The following FAR2 variants were observed in gnomAD, a reference collection of about 807,000 sequenced individuals.
FAR2 encodes the protein epididymis secretory protein Li 81.
FAR2 carries 19 observed loss-of-function variants against 56.0 expected under a neutral mutation model. That is an observed-to-expected ratio of 0.34 (90% CI 0.24 to 0.50). The LOEUF is 0.50. FAR2 is among the 20% of genes least tolerant of loss of function. The probability of loss-of-function intolerance (pLI) is 0.98; values close to 1 mark genes in which losing one functional copy is unlikely to be tolerated. For synonymous variants in FAR2, 219 were observed against 218.8 expected (o/e 1.00, Z -0.01); for missense variants, 508 against 642.2 (o/e 0.79, Z 2.26).
intron 1 of FAR2, among the ~76,000 whole-genome samples, chr12:29,238,186 T>G (rs1947969614): frequency 6.6e-6 from 1 of 150,920 alleles, no homozygotes; most frequent in South Asian, 2.1e-4. Flanking sequence ...TACTCCTCCC[T>G]TTTCCCACTA....
chr12:29,210,680 G>T (rs984436493), intron 1 of FAR2, among the ~76,000 whole-genome samples: 4 of 152,136 alleles, frequency 2.6e-5, no homozygotes, highest in Admixed American at 2.6e-4. Flanking sequence ...AAACTGTATT[G>T]GCTGGGCTCA....
chr12:29,312,257 T>C (rs1200815161), intron 8 of FAR2, among the ~76,000 whole-genome samples: 1 of 152,178 alleles, frequency 6.6e-6, no homozygotes, highest in Admixed American at 6.5e-5. Flanking sequence ...GATAAAATAC[T>C]GAAATACTCC....
chr12:29,267,116 A>G (rs11050161), intron 1 of FAR2, among the ~76,000 whole-genome samples: 49,343 of 151,824 alleles, frequency 0.33, 8,197 homozygotes, highest in Non-Finnish European at 0.37. Flanking sequence ...ATCATGAAGT[A>G]TAGTTATATT....
chr12:29,201,586 T>C (rs751881493), intron 1 of FAR2, among the ~76,000 whole-genome samples: 2 of 152,166 alleles, frequency 1.3e-5, no homozygotes, highest in South Asian at 4.1e-4. Context: ...TTACTTCCTA[T>C]TGTGTATTAC....
intron 1 of FAR2, among the ~76,000 whole-genome samples, chr12:29,226,779 G>C (rs899417659): frequency 1.3e-5 from 2 of 152,048 alleles, no homozygotes; most frequent in East Asian, 3.9e-4. Context: ...TTTTTTGTGT[G>C]ATGATATTAC....
rs562110317 is a variant in FAR2, at chr12:29,257,926, T to C, written c.-38-12486T>C. 1.5e-3 allele frequency among the ~76,000 whole-genome samples: 231 copies of C among 152,258 alleles called. 1 individual carries two copies. The highest frequency in any genetic ancestry group is 5.3e-3 in the African/African-American group (221 of 41,552). ...CGTGAGACATCACACCCTACCTAAA[T>C]TGCCTTTTGAAAATCATGAAAACAT... On this transcript the variant is annotated intron_variant, in intron 1 of 11. Coordinates refer to ENST00000536681, the MANE Select transcript of FAR2 (RefSeq NM_001271783.2).
chr12:29,268,885 T>C (rs1413943003), intron 1 of FAR2, among the ~76,000 whole-genome samples: 1 of 151,962 alleles, frequency 6.6e-6, no homozygotes, highest in Non-Finnish European at 1.5e-5. Flanking sequence ...TTATTAGGGA[T>C]TTTCAAAAGG....
chr12:29,214,966 G>C (rs568870225), intron 1 of FAR2, among the ~76,000 whole-genome samples: 12 of 152,310 alleles, frequency 7.9e-5, no homozygotes, highest in African/African-American at 2.9e-4. Context: ...AATTGAAATT[G>C]TGAGCTGAGA....
At chr12:29,178,987 C>T (rs1949966485) in intron 1 of FAR2, among the ~76,000 whole-genome samples, 1 of 152,090 alleles carries the variant, frequency 6.6e-6, no homozygotes, top group African/African-American at 2.4e-5. Flanking sequence ...CCTGGCCTCT[C>T]TCTCTCTTTG....
chr12:29,293,204 C>A, intron 2 of FAR2, 96 bp from the exon 3 acceptor site: 1 of 1,051,890 alleles, frequency 9.5e-7, no homozygotes, highest in Non-Finnish European at 1.3e-6. Flanking sequence ...CAACTAAAAC[C>A]AGTTTTTGAG....
At chr12:29,170,348 ACCT>A (rs1949873053) in intron 1 of FAR2, among the ~76,000 whole-genome samples, 8 of 152,132 alleles carry the variant, frequency 5.3e-5, no homozygotes, top group Non-Finnish European at 1.2e-4. Flanking sequence ...CTGTTAGGAA[ACCT>A]GCTGGGTTAA....
At chr12:29,292,984 G>T in intron 2 of FAR2, 1 of 178,502 alleles carries the variant, frequency 5.6e-6, no homozygotes, top group Non-Finnish European at 1.2e-5. Flanking sequence ...TCCCATCTCA[G>T]CCTCCCAAGC....
chr12:29,212,024 A>C (rs1318181465), intron 1 of FAR2, among the ~76,000 whole-genome samples: 1 of 151,664 alleles, frequency 6.6e-6, no homozygotes, highest in Non-Finnish European at 1.5e-5. Context: ...ATCCTTCCCT[A>C]GTGCCTTCAG....
chr12:29,221,539 G>C (rs1226598075), intron 1 of FAR2, among the ~76,000 whole-genome samples: 1 of 152,136 alleles, frequency 6.6e-6, no homozygotes, highest in African/African-American at 2.4e-5. Flanking sequence ...CACATATTCA[G>C]ACTGAATGAA....
intron 1 of FAR2, among the ~76,000 whole-genome samples, chr12:29,174,265 C>A (rs1274140328): frequency 6.7e-6 from 1 of 149,920 alleles, no homozygotes; most frequent in Non-Finnish European, 1.5e-5. Context: ...GATAGTCTGC[C>A]CCTCCCCCAC....
chr12:29,154,690 G>GC (rs1239673394), intron 1 of FAR2, among the ~76,000 whole-genome samples: 1 of 152,120 alleles, frequency 6.6e-6, no homozygotes, highest in African/African-American at 2.4e-5. Context: ...GCCTCAAAGT[G>GC]CTGGGATTAC....
intron 1 of FAR2, among the ~76,000 whole-genome samples, chr12:29,165,537 C>T (rs1392564752): frequency 6.6e-6 from 1 of 152,146 alleles, no homozygotes; most frequent in African/African-American, 2.4e-5. Flanking sequence ...CAAAAATCTC[C>T]TTTGAGAACT....
chr12:29,310,314 A>ATT (rs1491506453), intron 6 of FAR2, among the ~76,000 whole-genome samples: 1 of 152,236 alleles, frequency 6.6e-6, no homozygotes, highest in Non-Finnish European at 1.5e-5. Context: ...ACTGAGTAAC[A>ATT]TAAGAAAGTG....
intron 2 of FAR2, among the ~76,000 whole-genome samples, chr12:29,274,951 C>T (rs1278997836): frequency 7.3e-6 from 1 of 137,566 alleles, no homozygotes; most frequent in Admixed American, 7.2e-5. Context: ...AATGGACGCG[C>T]ATGAAATTTG....
Sources: gnomAD v4.1 joint callset for allele counts (sites outside exome capture counted in the v4.1 genomes callset) on GRCh38, gnomAD v4.1.1 for gene constraint, MANE v1.5 for transcripts, NCBI Gene and HGNC (gene_info 2026-07-23, HGNC 2026-07-21) for gene names.